The following CAP2 variants were observed in gnomAD, a reference collection of about 807,000 sequenced individuals.
The protein encoded by CAP2 is adenylyl cyclase-associated protein 2.
Under a neutral mutation model 57.7 loss-of-function variants are expected in CAP2, and 24 were observed. That is an observed-to-expected ratio of 0.42 (90% CI 0.30 to 0.58). CAP2 has a LOEUF of 0.58. Among genes scored for constraint, CAP2 ranks in the 20% least tolerant of loss-of-function variants. CAP2 has a pLI of 0.22. For missense variants in CAP2, 501 were observed against 590.3 expected (o/e 0.85, Z 1.57); for synonymous variants, 194 against 207.2 (o/e 0.94, Z 0.55).
At chr6:17,531,630 C>A in intron 7 of CAP2, 1 of 1,229,742 alleles carries the variant, frequency 8.1e-7, no homozygotes, top group Non-Finnish European at 1.2e-6. Context: ...TCTTCTACAC[C>A]TTCCATGGTT....
chr6:17,425,821 A>G (rs1288292960), intron 2 of CAP2, among the ~76,000 whole-genome samples: 1 of 152,192 alleles, frequency 6.6e-6, no homozygotes, highest in Non-Finnish European at 1.5e-5. Flanking sequence ...AGATCCGGGC[A>G]TGGTGGCTCA....
Position 17,486,884 on chromosome 6 carries a change from G to A in CAP2, c.301-20285G>A, listed in dbSNP as rs79848313. On this transcript the variant is annotated intron_variant, in intron 4 of 12. Transcript: ENST00000229922. ...TCTGGAAGTGCTCACACAACACACCGTCACGGTCACCCCCGGCTTCCAGGC... is the reference window on the plus strand; with the variant it reads ...TCTGGAAGTGCTCACACAACACACCATCACGGTCACCCCCGGCTTCCAGGC... 8.3e-3 allele frequency among the ~76,000 whole-genome samples: 1,184 copies of A among 142,284 alleles called. 4 individuals carry two copies. Among genetic ancestry groups the A allele is most frequent in the Non-Finnish European group, 0.013 (862 of 68,018 alleles). The allele number at this position is 142,284 out of a possible 152,430, so 93.3% of individuals were successfully genotyped here.
At chr6:17,486,161 A>G (rs1229709830) in intron 4 of CAP2, among the ~76,000 whole-genome samples, 2 of 151,832 alleles carry the variant, frequency 1.3e-5, no homozygotes, top group Non-Finnish European at 2.9e-5. Context: ...ACTGGGCAAC[A>G]TAGCAAGACC....
At chr6:17,439,560 A>C (rs1474821331) in intron 3 of CAP2, among the ~76,000 whole-genome samples, 10 of 151,398 alleles carry the variant, frequency 6.6e-5, no homozygotes, top group Non-Finnish European at 1.5e-4. Flanking sequence ...TTATATACTC[A>C]TCAGAAGATA....
chr6:17,439,693 C>T (rs982113140), intron 3 of CAP2, among the ~76,000 whole-genome samples: 8 of 151,506 alleles, frequency 5.3e-5, no homozygotes, highest in Admixed American at 6.6e-5. Flanking sequence ...CTAGATCCCT[C>T]GCGTGCAGTG....
chr6:17,394,072 G>C (rs1375559825), intron 1 of CAP2, among the ~76,000 whole-genome samples: 1 of 149,940 alleles, frequency 6.7e-6, no homozygotes, highest in East Asian at 2.0e-4. Flanking sequence ...CGGGGTTGGC[G>C]GGCGGCCGCG....
intron 4 of CAP2, among the ~76,000 whole-genome samples, chr6:17,468,100 C>T (rs1185067646): frequency 6.6e-6 from 1 of 152,114 alleles, no homozygotes; most frequent in Non-Finnish European, 1.5e-5. Flanking sequence ...TTTCACGTAA[C>T]ATAACAATCT....
chr6:17,433,243 T>C (rs765976313), intron 3 of CAP2, among the ~76,000 whole-genome samples: 23 of 152,244 alleles, frequency 1.5e-4, no homozygotes, highest in Non-Finnish European at 7.4e-5. Flanking sequence ...GAAGGAACCA[T>C]GTCAGAAAAA....
intron 4 of CAP2, among the ~76,000 whole-genome samples, chr6:17,474,654 A>G (rs984785665): frequency 1.3e-5 from 2 of 152,208 alleles, no homozygotes; most frequent in African/African-American, 4.8e-5. Context: ...CTCAGCACCT[A>G]TGTAGTAGTC....
chr6:17,554,065 A>G (rs1005540799), intron 12 of CAP2, among the ~76,000 whole-genome samples: 1 of 152,210 alleles, frequency 6.6e-6, no homozygotes, highest in African/African-American at 2.4e-5. Context: ...AGAAGAATAC[A>G]TCACTCATTA....
intron 3 of CAP2, among the ~76,000 whole-genome samples, chr6:17,453,578 A>G (rs1380263132): frequency 6.6e-6 from 1 of 152,200 alleles, no homozygotes; most frequent in Non-Finnish European, 1.5e-5. Flanking sequence ...GTTGTCTGCT[A>G]TATGCAAAAC....
At chr6:17,547,705 G>A (rs1763080351) in intron 11 of CAP2, among the ~76,000 whole-genome samples, 1 of 152,008 alleles carries the variant, frequency 6.6e-6, no homozygotes, top group Non-Finnish European at 1.5e-5. Flanking sequence ...ACCAGGCGTG[G>A]TGGCGGGTGC....
chr6:17,458,134 G>A (rs971257844), intron 3 of CAP2, among the ~76,000 whole-genome samples: 2 of 152,162 alleles, frequency 1.3e-5, no homozygotes, highest in African/African-American at 4.8e-5. Flanking sequence ...TTGATACAAG[G>A]AAAAATACTG....
intron 1 of CAP2, among the ~76,000 whole-genome samples, chr6:17,418,669 A>AT (rs5874605): frequency 0.1 from 15,182 of 150,360 alleles, 2,535 homozygotes; most frequent in African/African-American, 0.35. Flanking sequence ...CAAAGCAAAC[A>AT]TTTTTTTTTT....
chr6:17,439,229 A>C (rs568221310), intron 3 of CAP2, among the ~76,000 whole-genome samples: 1 of 148,902 alleles, frequency 6.7e-6, no homozygotes, highest in Non-Finnish European at 1.5e-5. Context: ...TATCTTGGTG[A>C]ATGACGTTAA....
chr6:17,548,998 AC>A (rs1763113256), intron 11 of CAP2, among the ~76,000 whole-genome samples: 1 of 152,256 alleles, frequency 6.6e-6, no homozygotes, highest in South Asian at 2.1e-4. Context: ...GTCAAAAAGC[AC>A]AAACCATAAA....
chr6:17,531,453 G>T, intron 7 of CAP2: 2 of 1,526,840 alleles, frequency 1.3e-6, no homozygotes, highest in Non-Finnish European at 9.0e-7. Flanking sequence ...CTGTACATCT[G>T]CCTATATTCC....
At chr6:17,436,089 C>CTTTCTTT (rs56383458) in intron 3 of CAP2, among the ~76,000 whole-genome samples, 2 of 134,806 alleles carry the variant, frequency 1.5e-5, no homozygotes, top group African/African-American at 5.8e-5. Context: ...TTCTTTCTTT[C>CTTTCTTT]CTTCCTTCCT....
chr6:17,478,246 C>T (rs1023656912), intron 4 of CAP2, among the ~76,000 whole-genome samples: 6 of 150,454 alleles, frequency 4.0e-5, no homozygotes, highest in African/African-American at 1.2e-4. Context: ...ATGATCCTCC[C>T]GCCTCAGCCT....
Sources: allele counts gnomAD v4.1 joint callset (sites outside exome capture counted in the v4.1 genomes callset), GRCh38; gene constraint gnomAD v4.1.1; transcripts MANE v1.5; gene names NCBI Gene and HGNC (gene_info 2026-07-23, HGNC 2026-07-21).